GSE1: variants seen among roughly 807,000 people sequenced by gnomAD.
The protein encoded by GSE1 is genetic suppressor element 1.
Under a neutral mutation model 112.6 loss-of-function variants are expected in GSE1, and 32 were observed. That is an observed-to-expected ratio of 0.28 (90% CI 0.21 to 0.38). The LOEUF (loss-of-function observed/expected upper bound fraction) is 0.38, where lower values mean the gene tolerates loss of function less well. Among genes scored for constraint, GSE1 ranks in the 10% least tolerant of loss-of-function variants. The pLI, the probability that GSE1 is intolerant of heterozygous loss-of-function variation, is 1.00. For missense variants in GSE1, 2,348 were observed against 1,699.2 expected, an observed-to-expected ratio of 1.38 and a Z score of -6.71; for synonymous variants, 1,115 against 735.6, an observed-to-expected ratio of 1.52 and a Z score of -8.35.
upstream of GSE1, among the ~76,000 whole-genome samples, chr16:85,612,026 T>G: frequency 6.6e-6 from 1 of 150,534 alleles, no homozygotes; most frequent in East Asian, 2.0e-4. Context: ...GCCCAGGGGG[T>G]GCTGGTTTGC....
At chr16:85,490,983 A>T (rs150185793) in intron 2 of GSE1, among the ~76,000 whole-genome samples, 1 of 152,096 alleles carries the variant, frequency 6.6e-6, no homozygotes, top group Admixed American at 6.5e-5. Context: ...AGCCTCCCCA[A>T]CGCGGGGCTG....
intron 1 of GSE1, among the ~76,000 whole-genome samples, chr16:85,621,117 G>C (rs2048711195): frequency 6.7e-6 from 1 of 149,930 alleles, no homozygotes; most frequent in Non-Finnish European, 1.5e-5. Flanking sequence ...AGATGGTCTT[G>C]GCCCTGGGTC....
At chr16:85,488,462 C>G (rs988063897) in intron 2 of GSE1, among the ~76,000 whole-genome samples, 1 of 152,086 alleles carries the variant, frequency 6.6e-6, no homozygotes, top group African/African-American at 2.4e-5. Flanking sequence ...TCTAGAAACG[C>G]AGGGTCTTGT....
intron 1 of GSE1, among the ~76,000 whole-genome samples, chr16:85,304,550 G>A (rs919018506): frequency 4.0e-5 from 6 of 150,224 alleles, no homozygotes; most frequent in African/African-American, 1.5e-4. Flanking sequence ...GGAAAGGGAA[G>A]TGGGGAGCTT....
chr16:85,357,287 C>G (rs1259624273), intron 1 of GSE1, among the ~76,000 whole-genome samples: 1 of 152,210 alleles, frequency 6.6e-6, no homozygotes, highest in Non-Finnish European at 1.5e-5. Flanking sequence ...GACACTGGCA[C>G]TGGCCTTACT....
chr16:85,511,198 T>G (rs772129461), intron 2 of GSE1, among the ~76,000 whole-genome samples: 3 of 152,158 alleles, frequency 2.0e-5, no homozygotes, highest in South Asian at 2.1e-4. Flanking sequence ...CCTGGAAGGC[T>G]TTTCCCTTTC....
At chr16:85,525,235 C>T (rs1241075936) in intron 2 of GSE1, among the ~76,000 whole-genome samples, 1 of 146,088 alleles carries the variant, frequency 6.8e-6, no homozygotes, top group Non-Finnish European at 1.5e-5. Flanking sequence ...CAGCTGGGCT[C>T]CTCTGGCTCA....
At chr16:85,568,924 C>G (rs921673492) in intron 1 of GSE1, among the ~76,000 whole-genome samples, 1 of 152,198 alleles carries the variant, frequency 6.6e-6, no homozygotes, top group Admixed American at 6.5e-5. Context: ...TCTGCCTCTA[C>G]TCCCCTCTTA....
chr16:85,442,895 A>G (rs1374015200), intron 2 of GSE1, among the ~76,000 whole-genome samples: 1 of 152,184 alleles, frequency 6.6e-6, no homozygotes, highest in African/African-American at 2.4e-5. Context: ...GAGGAAATCC[A>G]TCCTTGTCCC....
intron 2 of GSE1, among the ~76,000 whole-genome samples, chr16:85,523,603 G>A (rs934596228): frequency 9.2e-5 from 14 of 152,188 alleles, no homozygotes; most frequent in African/African-American, 2.7e-4. Flanking sequence ...CCCAGCCGTG[G>A]GGGCTGGAGC....
rs4477689 is a variant in GSE1 at position 85,453,270 on chromosome 16, C to T, written c.2464+95627C>T. ...AAAGTCACACGGTGGCTCGGGGACCCTGAGCAGCCCGCCCACCCTCCTCTA... is the reference window on the plus strand; with the variant it reads ...AAAGTCACACGGTGGCTCGGGGACCTTGAGCAGCCCGCCCACCCTCCTCTA... On this transcript the variant is annotated intron_variant, in intron 2 of 2. Coordinates refer to the GSE1 transcript ENST00000637419. 2.4e-3 allele frequency among the ~76,000 whole-genome samples: 363 copies of T among 152,250 alleles called. 2 individuals carry two copies. Among genetic ancestry groups the T allele is most frequent in the African/African-American group, 8.0e-3 (333 of 41,544 alleles).
chr16:85,289,729 A>G (rs1317909295), intron 1 of GSE1, among the ~76,000 whole-genome samples: 2 of 152,168 alleles, frequency 1.3e-5, no homozygotes, highest in Admixed American at 1.3e-4. Flanking sequence ...GGTGAAGGAC[A>G]TGGCAAGGTC....
At chr16:85,231,187 T>C (rs1904281981) in intron 1 of GSE1, among the ~76,000 whole-genome samples, 1 of 145,488 alleles carries the variant, frequency 6.9e-6, no homozygotes, top group Non-Finnish European at 1.5e-5. Context: ...GATGGATGGA[T>C]GGACAGATGG....
At chr16:85,270,392 G>T (rs966620694) in intron 1 of GSE1, among the ~76,000 whole-genome samples, 6 of 148,750 alleles carry the variant, frequency 4.0e-5, no homozygotes, top group African/African-American at 1.5e-4. Flanking sequence ...TTGTCCCAGC[G>T]ACATCCAAGG....
chr16:85,647,007 C>T (rs563520768), intron 2 of GSE1, among the ~76,000 whole-genome samples: 4 of 152,320 alleles, frequency 2.6e-5, no homozygotes, highest in African/African-American at 9.6e-5. Flanking sequence ...ACTTGGTCCC[C>T]TTCTGACCTG....
At chr16:85,439,390 C>T (rs1335910230) in intron 2 of GSE1, among the ~76,000 whole-genome samples, 1 of 152,246 alleles carries the variant, frequency 6.6e-6, no homozygotes, top group Non-Finnish European at 1.5e-5. Context: ...ATCTGGCTCT[C>T]TCAGCCTTGG....
At chr16:85,430,349 C>G (rs1162715532) in intron 2 of GSE1, among the ~76,000 whole-genome samples, 2 of 152,190 alleles carry the variant, frequency 1.3e-5, no homozygotes, top group African/African-American at 2.4e-5. Context: ...AGACAGCCTC[C>G]CGTGCAGTCC....
At chr16:85,420,151 C>T (rs1023993260) in intron 2 of GSE1, among the ~76,000 whole-genome samples, 1 of 152,240 alleles carries the variant, frequency 6.6e-6, no homozygotes, top group African/African-American at 2.4e-5. Context: ...CTTTGGGAGG[C>T]TGAAGTAGGA....
intron 1 of GSE1, among the ~76,000 whole-genome samples, chr16:85,579,669 C>G (rs952081592): frequency 6.6e-6 from 1 of 152,190 alleles, no homozygotes; most frequent in African/African-American, 2.4e-5. Flanking sequence ...GTCTCTCTTC[C>G]TAGTCAGAGT....
Sources: gnomAD v4.1 joint callset for allele counts (sites outside exome capture counted in the v4.1 genomes callset) on GRCh38, gnomAD v4.1.1 for gene constraint, MANE v1.5 for transcripts, NCBI Gene and HGNC (gene_info 2026-07-23, HGNC 2026-07-21) for gene names.